Variants in TEK observed in about 807,000 individuals in gnomAD.
TEK encodes angiopoietin-1 receptor.
TEK carries 43 observed loss-of-function variants against 131.8 expected under a neutral mutation model. The ratio of observed to expected loss-of-function variants is 0.33; its 90% CI spans 0.26 to 0.42. TEK has a LOEUF of 0.42. Ranked by LOEUF, TEK falls within the 10% of genes least tolerant of loss-of-function variation. The probability of loss-of-function intolerance (pLI) is 1.00; values close to 1 mark genes in which losing one functional copy is unlikely to be tolerated. For synonymous variants in TEK, 580 were observed against 491.6 expected (o/e 1.18, Z -2.38); for missense variants, 1,162 against 1,384.4 (o/e 0.84, Z 2.55).
At chr9:27,191,005 G>C (rs901286007) in intron 10 of TEK, among the ~76,000 whole-genome samples, 1 of 152,160 alleles carries the variant, frequency 6.6e-6, no homozygotes, top group South Asian at 2.1e-4. Flanking sequence ...ATGGGGAAAG[G>C]CACTTGTTTA....
At chr9:27,153,675 G>A (rs1023605831) in intron 1 of TEK, among the ~76,000 whole-genome samples, 3 of 152,190 alleles carry the variant, frequency 2.0e-5, no homozygotes, top group African/African-American at 4.8e-5. Flanking sequence ...AGAGGATAGC[G>A]CTATAATGTA....
At chr9:27,124,315 C>T (rs1191523597) in intron 1 of TEK, among the ~76,000 whole-genome samples, 1 of 152,238 alleles carries the variant, frequency 6.6e-6, no homozygotes, top group East Asian at 1.9e-4. Context: ...AGCTCTGCTT[C>T]AGGTTGCAGC....
At chr9:27,142,827 G>T (rs1239568479) in intron 1 of TEK, among the ~76,000 whole-genome samples, 1 of 152,196 alleles carries the variant, frequency 6.6e-6, no homozygotes, top group Admixed American at 6.5e-5. Context: ...TTCCTCATCC[G>T]TGGTATGGAG....
At position 27,228,231 on chromosome 9, in the gene TEK, C is replaced by A; in HGVS notation, c.3226C>A (p.Arg1076=). Residue 1076 remains arginine (R), a synonymous_variant, in exon 22 of 23, where the codon CGG becomes AGG. Coordinates refer to ENST00000380036, the MANE Select transcript of TEK (RefSeq NM_000459.5). ...EVYDLMRQCW[R]EKPYERPSFA... ...GTATGATCTAATGAGACAATGCTGG[C>A]GGGAGAAGCCTTATGAGAGGCCATC... 1 of 1,612,762 alleles carries A rather than the reference C, an allele frequency of 6.2e-7. No individual in the cohort carries two copies.
intron 2 of TEK, among the ~76,000 whole-genome samples, chr9:27,166,000 C>T (rs751520120): frequency 5.9e-5 from 9 of 152,364 alleles, no homozygotes; most frequent in East Asian, 3.9e-4. Context: ...GCCAGTGGCG[C>T]GCACAGCGCT....
chr9:27,156,685 C>T (rs1477117961), intron 1 of TEK, among the ~76,000 whole-genome samples: 1 of 152,158 alleles, frequency 6.6e-6, no homozygotes, highest in Non-Finnish European at 1.5e-5. Flanking sequence ...TTCATTTCTT[C>T]ATATTTAAAA....
rs748653104 is a variant in TEK, at chr9:27,167,054, G to C, written c.365-1441G>C. Among the ~76,000 whole-genome samples the C allele has an allele frequency of 1.5e-4, 23 of 152,246 alleles. 1 individual carries two copies. In the Middle Eastern group the frequency reaches 0.014, roughly 90 times the overall value. On this transcript the variant is annotated intron_variant, in intron 2 of 22. Coordinates refer to ENST00000380036, the MANE Select transcript of TEK (RefSeq NM_000459.5). ...AAAGCTAATGCCTCCTTATGTCACA[G>C]AGTTTGGCTTTCTGCAGATTATGAT...
At chr9:27,206,338 C>G (rs760507176) in intron 14 of TEK, among the ~76,000 whole-genome samples, 1 of 152,242 alleles carries the variant, frequency 6.6e-6, no homozygotes, top group Non-Finnish European at 1.5e-5. Flanking sequence ...TCCTCCGTCA[C>G]CCTTTACAGA....
intron 2 of TEK, among the ~76,000 whole-genome samples, chr9:27,160,575 C>A (rs77294855): frequency 1.3e-5 from 2 of 152,086 alleles, no homozygotes; most frequent in Non-Finnish European, 2.9e-5. Context: ...CCATGGACCA[C>A]GCTTTGAGTA....
chr9:27,174,190 G>A (rs571726468), intron 6 of TEK, among the ~76,000 whole-genome samples: 1 of 152,228 alleles, frequency 6.6e-6, no homozygotes, highest in South Asian at 2.1e-4. Flanking sequence ...GCAGACAAAT[G>A]TGACAGAACC....
chr9:27,180,118 C>G (rs781460435), intron 6 of TEK, 122 bp from the exon 7 acceptor site: 158 of 1,411,814 alleles, frequency 1.1e-4, no homozygotes, highest in Non-Finnish European at 1.5e-4. Flanking sequence ...TAAATTACCC[C>G]CTACCTTACA....
Position 27,136,917 on chromosome 9 carries a change from GTTTA to G in TEK, c.53-20902_53-20899del, listed in dbSNP as rs977274589. On this transcript the variant is annotated intron_variant, in intron 1 of 22. Coordinates refer to ENST00000380036, the MANE Select transcript of TEK (RefSeq NM_000459.5). ...AATCTCTCCATGTTTTTAAATCTTT[GTTTA>G]TTTATTTATTTTTGAAATGGAGTCT... 7.9e-5 allele frequency among the ~76,000 whole-genome samples: 12 copies of G among 152,112 alleles called. No homozygotes were observed. The East Asian group carries it at 9.7e-4, about 12-fold the overall frequency.
In TEK at chr9:27,158,162, T is replaced by G; in HGVS notation, c.364+20T>G. 6.2e-7 allele frequency: 1 copy of G among 1,613,908 alleles called. No individual in the cohort carries two copies. The highest frequency in any genetic ancestry group is 2.2e-5 in the East Asian group (1 of 44,880). On this transcript the variant is annotated intron_variant, in intron 2 of 22. Coordinates refer to ENST00000380036, the MANE Select transcript of TEK (RefSeq NM_000459.5). ...AACAAGGTAACATGCCCCTAAGTTT[T>G]GGGCAGGTGAGGCCCACTGAGGAAC... is the stretch of plus-strand genomic sequence containing the variant.
chr9:27,145,914 G>A (rs1328327564), intron 1 of TEK, among the ~76,000 whole-genome samples: 1 of 152,148 alleles, frequency 6.6e-6, no homozygotes, highest in African/African-American at 2.4e-5. Flanking sequence ...TAGAGGAAAT[G>A]AAATACAAAA....
chr9:27,198,843 G>A (rs1250704903), intron 12 of TEK, among the ~76,000 whole-genome samples: 1 of 152,212 alleles, frequency 6.6e-6, no homozygotes, highest in African/African-American at 2.4e-5. Context: ...CTGTTGCCCA[G>A]GCTGGTGAGC....
intron 1 of TEK, among the ~76,000 whole-genome samples, chr9:27,118,847 A>G (rs1375633204): frequency 6.6e-6 from 1 of 152,154 alleles, no homozygotes; most frequent in Non-Finnish European, 1.5e-5. Flanking sequence ...CTGGGAATTT[A>G]TGAGCACTTT....
rs534058940 is a variant in TEK at position 27,192,764 on chromosome 9, G to A, written c.1624+141G>A. ...GTGGCAGGAGTTCGCTTTTGAATGG[G>A]TGGGAAAGTGACAGGAAGGCTAGCA... On this transcript the variant is annotated intron_variant, in intron 11 of 22. Coordinates refer to ENST00000380036, the MANE Select transcript of TEK (RefSeq NM_000459.5). The A allele has an allele frequency of 3.5e-6, 3 of 868,182 alleles. No homozygotes were observed. The East Asian group carries it at 8.0e-5, about 23-fold the overall frequency. 53.8% of individuals were successfully genotyped at this position (868,182 alleles called of 1,614,324 possible).
At chr9:27,218,894 A>AATTCCACAGG in intron 20 of TEK, 77 bp downstream of exon 20, 1 of 1,379,120 alleles carries the variant, frequency 7.3e-7, no homozygotes, top group Non-Finnish European at 1.0e-6. Context: ...CTTGCTGCAT[A>AATTCCACAGG]ATTCCACAGG....
At chr9:27,220,723 G>A (rs1375761172) in intron 21 of TEK, among the ~76,000 whole-genome samples, 1 of 152,204 alleles carries the variant, frequency 6.6e-6, no homozygotes, top group African/African-American at 2.4e-5. Context: ...GAGGGACGGT[G>A]CCATGACGAA....
Sources: gnomAD v4.1 joint callset for allele counts (sites outside exome capture counted in the v4.1 genomes callset) on GRCh38, gnomAD v4.1.1 for gene constraint, MANE v1.5 for transcripts, NCBI Gene and HGNC (gene_info 2026-07-23, HGNC 2026-07-21) for gene names.